GLT6D1: variants seen among roughly 807,000 people sequenced by gnomAD.
The protein encoded by GLT6D1 is glycosyltransferase 6 domain containing 1, also known as putative glycosyltransferase 6 domain-containing protein 1.
In GLT6D1, 9 loss-of-function variants were observed where a neutral mutation model predicts 12.3. The ratio of observed to expected loss-of-function variants is 0.73; its 90% CI spans 0.44 to 1.27. The LOEUF (loss-of-function observed/expected upper bound fraction) is 1.27. GLT6D1 is among the 50% of genes most tolerant of loss of function. The pLI is 0.00. For synonymous variants in GLT6D1, 128 were observed against 132.3 expected, an observed-to-expected ratio of 0.97 and a Z score of 0.23; for missense variants, 335 against 346.2, an observed-to-expected ratio of 0.97 and a Z score of 0.26.
chr9:135,624,724 C>T (rs867423837), intron 4 of GLT6D1, 54 bp from the exon 5 acceptor site: 200 of 565,410 alleles, frequency 3.5e-4, no homozygotes, highest in African/African-American at 1.1e-3. Context: ...TCTTTTCTTT[C>T]TTTTTTTTTT....
rs190909030 is a variant in GLT6D1, at chr9:135,623,803, G to A, written c.*294C>T. Reference sequence around the variant, plus strand: ...AATACATAGATAATAACATTACTGTGTATTAACATTAAGTAATTATCCTTT... The same window carrying A: ...AATACATAGATAATAACATTACTGTATATTAACATTAAGTAATTATCCTTT... On this transcript the variant is annotated 3_prime_UTR_variant, in exon 5 of 5. Transcript: ENST00000371763. The A allele has an allele frequency of 1.8e-3, 525 of 290,038 alleles. 6 individuals are homozygous for A. Among genetic ancestry groups the A allele is most frequent in the South Asian group, 3.8e-3 (65 of 17,112 alleles). The allele number at this position is 290,038 out of a possible 1,614,324, so 18.0% of individuals were successfully genotyped here.
In GLT6D1 at chr9:135,636,730, C is replaced by T. The variant is rs1833781342; in HGVS notation, c.71+2387G>A. On this transcript the variant is annotated intron_variant, in intron 2 of 4. Transcript: ENST00000371763. ...CTTTTTCCTGCCAATATAGTTTTGCCTTTTCCAGAATGTCACATGAGAATT... is the reference window on the plus strand; with the variant it reads ...CTTTTTCCTGCCAATATAGTTTTGCTTTTTCCAGAATGTCACATGAGAATT... Among the ~76,000 whole-genome samples the T allele has an allele frequency of 2.0e-5, 3 of 152,162 alleles. No individual in the cohort carries two copies. The South Asian group carries it at 6.2e-4, about 32-fold the overall frequency.
chr9:135,633,596 A>G (rs935536426), intron 2 of GLT6D1, among the ~76,000 whole-genome samples: 2 of 152,156 alleles, frequency 1.3e-5, no homozygotes, highest in African/African-American at 4.8e-5. Flanking sequence ...GACAAAACAC[A>G]GGACATCTCT....
chr9:135,639,267 T>G, intron 1 of GLT6D1, 26 bp downstream of exon 1: 1 of 810,488 alleles, frequency 1.2e-6, no homozygotes, highest in Admixed American at 2.2e-5. Flanking sequence ...TAACAATGGG[T>G]TAATGTATGG....
At chr9:135,629,077 T>G (rs1043178961) in intron 3 of GLT6D1, among the ~76,000 whole-genome samples, 2 of 152,026 alleles carry the variant, frequency 1.3e-5, no homozygotes, top group Non-Finnish European at 2.9e-5. Flanking sequence ...CTTTTTTTCC[T>G]GTGCTTGCTT....
rs1356129238 is a variant in GLT6D1 at position 135,624,730 on chromosome 9, T to C, written c.258-60A>G. 1.9e-4 allele frequency: 121 copies of C among 632,344 alleles called. No individual in the cohort carries two copies. In the East Asian group the frequency reaches 2.4e-3, roughly 12 times the overall value. 39.2% of individuals were successfully genotyped at this position (632,344 alleles called of 1,614,324 possible). A position where few individuals can be genotyped will look rare whatever the true frequency, so the allele number is the denominator to read the frequency against. On this transcript the variant is annotated intron_variant, in intron 4 of 4. Coordinates refer to ENST00000371763, the MANE Select transcript of GLT6D1 (RefSeq NM_182974.3). The stretch of plus-strand genomic sequence containing the variant: ...TCTCTTTTTTCTTTTCTTTCTTTTT[T>C]TTTTTTTTTTTTTTTTTGAGATGGA...
intron 2 of GLT6D1, among the ~76,000 whole-genome samples, chr9:135,636,594 A>G (rs572209843): frequency 6.6e-6 from 1 of 152,182 alleles, no homozygotes; most frequent in East Asian, 1.9e-4. Context: ...GCAAAGTTAC[A>G]TGTGTCCATG....
chr9:135,624,205 G>A lies in GLT6D1; in HGVS notation c.723C>T (p.Asp241=), dbSNP rs757235036. ...CTCCGTTCAGATATTCTTTGATGAA[G>A]TCTAAAATATTATGGGGTGTGCCAC... ...MVGGTPHNIL[D]FIKEYLNGVI... Residue 241 remains aspartate (D), a synonymous_variant, in exon 5 of 5, where the codon GAC becomes GAT. Transcript: ENST00000371763. The A allele has an allele frequency of 1.2e-6, 2 of 1,611,658 alleles. No homozygotes were observed. The highest frequency in any genetic ancestry group is 4.5e-5 in the East Asian group (2 of 44,880).
In GLT6D1 at chr9:135,624,638, TG is replaced by T; in HGVS notation, c.289del (p.His97ThrfsTer8). 1 of 1,599,550 alleles carries T rather than the reference TG, an allele frequency of 6.3e-7. No homozygotes were observed. The highest frequency in any genetic ancestry group is 2.2e-5 in the East Asian group (1 of 44,542). On this transcript the variant is annotated frameshift_variant, in exon 5 of 5. Coordinates refer to ENST00000371763, the MANE Select transcript of GLT6D1 (RefSeq NM_182974.3). LOFTEE classifies it low-confidence loss of function (END_TRUNC). ...TGTCATGAAGTGCTTATTTGCGGAG[TG>T]TAGGAACGGCCTCAGGTACTCCTCT... Reference protein sequence around the residue: ...FAEEYLRPFLHSANKHFMTGY... With the variant: ...FAEEYLRPFLXSANKHFMTGY...
intron 2 of GLT6D1, among the ~76,000 whole-genome samples, chr9:135,634,996 T>C (rs965045284): frequency 1.3e-5 from 2 of 152,242 alleles, no homozygotes; most frequent in Non-Finnish European, 1.5e-5. Context: ...CGTCAGGTTC[T>C]GTGTCGTTGG....
chr9:135,638,091 G>T (rs538404568), intron 2 of GLT6D1, among the ~76,000 whole-genome samples: 1 of 152,306 alleles, frequency 6.6e-6, no homozygotes, highest in Non-Finnish European at 1.5e-5. Flanking sequence ...CACATGGCTG[G>T]GGAGGCCTCA....
intron 3 of GLT6D1, among the ~76,000 whole-genome samples, chr9:135,627,741 A>G (rs1390019716): frequency 6.6e-6 from 1 of 152,214 alleles, no homozygotes; most frequent in Non-Finnish European, 1.5e-5. Context: ...AGGAACTGAC[A>G]AACTGTCTTC....
chr9:135,626,208 T>C lies in GLT6D1; in HGVS notation c.120-2A>G. On this transcript the variant is annotated splice_acceptor_variant, in intron 3 of 4. Coordinates refer to ENST00000371763, the MANE Select transcript of GLT6D1 (RefSeq NM_182974.3). LOFTEE classifies it high-confidence loss of function. ...TTCGTTATAACATCAGGGCGTTTTC[T>C]GTGGAACAAGAACCAAGTTAAACAG... The C allele has an allele frequency of 6.2e-7, 1 of 1,613,554 alleles. No homozygotes were observed. Among genetic ancestry groups the C allele is most frequent in the Non-Finnish European group, 8.5e-7 (1 of 1,179,812 alleles).
At chr9:135,639,090 C>A (rs1833840445) in intron 2 of GLT6D1, 27 bp downstream of exon 2, 2 of 1,269,426 alleles carry the variant, frequency 1.6e-6, no homozygotes, top group Non-Finnish European at 2.3e-6. Context: ...CACTAAAGAT[C>A]ATGATTTATC....
At position 135,624,083 on chromosome 9, in the gene GLT6D1, G is replaced by T. The variant is rs12336965; in HGVS notation, c.*14C>A. The T allele has an allele frequency of 0.22, 342,492 of 1,542,856 alleles. 38,917 individuals are homozygous for T. The highest frequency in any genetic ancestry group is 0.25 in the African/African-American group (18,258 of 73,350). On this transcript the variant is annotated 3_prime_UTR_variant, in exon 5 of 5. Coordinates refer to ENST00000371763, the MANE Select transcript of GLT6D1 (RefSeq NM_182974.3). ...AGAAAATGCAAGATCCCAGCTGTAT[G>T]CTGGTGATAACAGCTAGGTGGGTTT...
chr9:135,640,638 T>C (rs62577654), upstream of GLT6D1, among the ~76,000 whole-genome samples: 2 of 151,768 alleles, frequency 1.3e-5, no homozygotes, highest in African/African-American at 4.8e-5. Context: ...CAGAATCGCT[T>C]GAACCCAAGA....
At chr9:135,625,699 A>C (rs1418684282) in intron 4 of GLT6D1, among the ~76,000 whole-genome samples, 1 of 152,140 alleles carries the variant, frequency 6.6e-6, no homozygotes, top group African/African-American at 2.4e-5. Flanking sequence ...GAAAACACCT[A>C]AAGCCCCTGC....
chr9:135,630,270 G>A (rs566306883), intron 3 of GLT6D1, among the ~76,000 whole-genome samples: 4 of 151,958 alleles, frequency 2.6e-5, no homozygotes, highest in East Asian at 1.9e-4. Flanking sequence ...GCCAGGCGTG[G>A]TGGCAGGCGC....
chr9:135,624,593 TAGA>T lies in GLT6D1; in HGVS notation c.332_334del (p.Phe111del), dbSNP rs1485937429. 3 of 1,613,386 alleles carry T rather than the reference TAGA, an allele frequency of 1.9e-6. No individual in the cohort carries two copies. Among genetic ancestry groups the T allele is most frequent in the East Asian group, 2.2e-5 (1 of 44,894 alleles). ...CTTGAAGAAGGCGTCCACCATGATGTAGAAGATCACTCGGTAGCCTGTCATGAA... is the reference window on the plus strand; with the variant it reads ...CTTGAAGAAGGCGTCCACCATGATGTAGATCACTCGGTAGCCTGTCATGAA... On this transcript the variant is annotated inframe_deletion, in exon 5 of 5. Coordinates refer to ENST00000371763, the MANE Select transcript of GLT6D1 (RefSeq NM_182974.3).
Sources: gnomAD v4.1 joint callset for allele counts (sites outside exome capture counted in the v4.1 genomes callset) on GRCh38, gnomAD v4.1.1 for gene constraint, MANE v1.5 for transcripts, NCBI Gene and HGNC (gene_info 2026-07-23, HGNC 2026-07-21) for gene names.